The following SOX5 variants were observed in gnomAD, a reference collection of about 807,000 sequenced individuals.
SOX5 encodes the protein transcription factor SOX-5.
SOX5 carries 9 observed loss-of-function variants against 92.0 expected under a neutral mutation model. That is an observed-to-expected ratio of 0.10 (90% CI 0.06 to 0.17). The LOEUF (loss-of-function observed/expected upper bound fraction) is 0.17. Among genes scored for constraint, SOX5 ranks in the 10% least tolerant of loss-of-function variants. SOX5 has a pLI of 1.00. For missense variants in SOX5, 642 were observed against 944.5 expected (o/e 0.68, Z 4.20); for synonymous variants, 344 against 336.3 (o/e 1.02, Z -0.25).
intron 1 of SOX5, among the ~76,000 whole-genome samples, chr12:24,490,034 C>T (rs1171282939): frequency 6.6e-6 from 1 of 152,224 alleles, no homozygotes; most frequent in African/African-American, 2.4e-5. Context: ...GCCCTCACAG[C>T]AAACCTCTCT....
intron 6 of SOX5, among the ~76,000 whole-genome samples, chr12:23,732,186 G>A (rs2093418374): frequency 1.3e-5 from 2 of 152,138 alleles, no homozygotes; most frequent in Admixed American, 1.3e-4. Flanking sequence ...GAAAAAGGAG[G>A]CAGTAGGAAG....
chr12:23,583,156 C>T (rs919455772), intron 9 of SOX5, among the ~76,000 whole-genome samples: 1 of 151,992 alleles, frequency 6.6e-6, no homozygotes, highest in Non-Finnish European at 1.5e-5. Flanking sequence ...TTCCTTTTTA[C>T]ATTTTCCTTC....
rs184952908 is a variant in SOX5, at chr12:24,154,621, G to A, written c.-2+58722C>T. 1.8e-3 allele frequency among the ~76,000 whole-genome samples: 276 copies of A among 152,152 alleles called. 2 individuals are homozygous for A. Among genetic ancestry groups the A allele is most frequent in the African/African-American group, 6.3e-3 (263 of 41,522 alleles). Reference sequence around the variant, plus strand: ...GGGAGGCATTAAAAAAATTTATGAAGAGTTTCTAACAACAGAAAAATGCTT... The same window carrying A: ...GGGAGGCATTAAAAAAATTTATGAAAAGTTTCTAACAACAGAAAAATGCTT... On this transcript the variant is annotated intron_variant, in intron 4 of 4. Transcript: ENST00000446891.
chr12:24,034,610 T>C (rs755005296), intron 4 of SOX5, among the ~76,000 whole-genome samples: 4 of 151,114 alleles, frequency 2.6e-5, no homozygotes, highest in Non-Finnish European at 5.9e-5. Context: ...AATACTTTCA[T>C]AGTTTCCTCC....
At chr12:24,163,707 G>A (rs16927277) in intron 4 of SOX5, among the ~76,000 whole-genome samples, 40,558 of 151,818 alleles carry the variant, frequency 0.27, 6,554 homozygotes, top group East Asian at 0.83. Flanking sequence ...CTTCTGAAAA[G>A]TTAGCAGCAG....
chr12:24,050,023 T>C (rs1487910504), intron 4 of SOX5, among the ~76,000 whole-genome samples: 1 of 150,438 alleles, frequency 6.6e-6, no homozygotes, highest in Non-Finnish European at 1.5e-5. Context: ...TAAGCAGGTA[T>C]GTTTATGAGT....
At chr12:24,481,526 T>C (rs1945996870) in intron 1 of SOX5, among the ~76,000 whole-genome samples, 1 of 152,224 alleles carries the variant, frequency 6.6e-6, no homozygotes, top group Non-Finnish European at 1.5e-5. Flanking sequence ...AAACATCTCA[T>C]GTACCCCATA....
chr12:23,816,589 G>A (rs989388500), intron 3 of SOX5, among the ~76,000 whole-genome samples: 4 of 152,122 alleles, frequency 2.6e-5, no homozygotes, highest in African/African-American at 9.7e-5. Context: ...TAGTAAGGAT[G>A]AATGGCCATC....
chr12:23,992,310 T>C (rs1431491457), intron 4 of SOX5, among the ~76,000 whole-genome samples: 1 of 152,166 alleles, frequency 6.6e-6, no homozygotes, highest in Non-Finnish European at 1.5e-5. Flanking sequence ...CTTTAGTAAA[T>C]CTGCACAGAA....
chr12:23,682,341 T>A (rs891486700), intron 6 of SOX5, among the ~76,000 whole-genome samples: 4 of 151,852 alleles, frequency 2.6e-5, no homozygotes, highest in African/African-American at 9.6e-5. Flanking sequence ...AACTTTAGGT[T>A]TATGAGGTAT....
At chr12:23,754,556 C>T (rs957433489) in intron 4 of SOX5, among the ~76,000 whole-genome samples, 2 of 151,742 alleles carry the variant, frequency 1.3e-5, no homozygotes, top group Admixed American at 6.6e-5. Flanking sequence ...CACAAGTAAT[C>T]ATAGCCTAAA....
chr12:24,446,459 G>GA (rs1941487217), intron 1 of SOX5, among the ~76,000 whole-genome samples: 1 of 152,130 alleles, frequency 6.6e-6, no homozygotes, highest in South Asian at 2.1e-4. Flanking sequence ...GTAAGGAACA[G>GA]AAAAAATCAG....
chr12:24,271,628 C>T (rs896856545), intron 3 of SOX5, among the ~76,000 whole-genome samples: 1 of 152,094 alleles, frequency 6.6e-6, no homozygotes, highest in Admixed American at 6.5e-5. Flanking sequence ...ACTTAGGTTT[C>T]GGCCAACTAA....
chr12:23,619,479 A>G (rs2076937862), intron 8 of SOX5, among the ~76,000 whole-genome samples: 1 of 152,114 alleles, frequency 6.6e-6, no homozygotes, highest in African/African-American at 2.4e-5. Context: ...TTGGAATCCA[A>G]ATCTTTTTGA....
At chr12:24,048,742 G>C (rs755260242) in intron 4 of SOX5, among the ~76,000 whole-genome samples, 4 of 152,142 alleles carry the variant, frequency 2.6e-5, no homozygotes, top group Non-Finnish European at 5.9e-5. Flanking sequence ...TACGCTAAGT[G>C]AAAGAAATCA....
At chr12:23,691,255 T>C (rs996918853) in intron 6 of SOX5, among the ~76,000 whole-genome samples, 1 of 152,166 alleles carries the variant, frequency 6.6e-6, no homozygotes, top group Non-Finnish European at 1.5e-5. Context: ...GATTCCTAAA[T>C]TATTTCTTAC....
intron 4 of SOX5, among the ~76,000 whole-genome samples, chr12:24,043,616 G>A (rs763601495): frequency 1.2e-4 from 18 of 152,094 alleles, no homozygotes; most frequent in Non-Finnish European, 2.4e-4. Flanking sequence ...ATGGGATGGC[G>A]GCATTTCTGT....
chr12:24,211,386 T>C (rs183721621), intron 4 of SOX5, among the ~76,000 whole-genome samples: 4 of 152,272 alleles, frequency 2.6e-5, no homozygotes, highest in Non-Finnish European at 5.9e-5. Context: ...TCTGGGAGAG[T>C]AGGAATTTTC....
intron 1 of SOX5, among the ~76,000 whole-genome samples, chr12:24,391,216 G>T (rs1958958591): frequency 6.6e-6 from 1 of 152,066 alleles, no homozygotes; most frequent in African/African-American, 2.4e-5. Context: ...CTGCTTGTAT[G>T]TCTTCTTTTG....
Sources: gnomAD v4.1 joint callset for allele counts (sites outside exome capture counted in the v4.1 genomes callset) on GRCh38, gnomAD v4.1.1 for gene constraint, MANE v1.5 for transcripts, NCBI Gene and HGNC (gene_info 2026-07-23, HGNC 2026-07-21) for gene names.